The following KIF13A variants were observed in gnomAD, a reference collection of about 807,000 sequenced individuals.
KIF13A encodes the protein kinesin family member 13A, also known as kinesin-like protein KIF13A.
Under a neutral mutation model 212.2 loss-of-function variants are expected in KIF13A, and 79 were observed. The ratio of observed to expected loss-of-function variants is 0.37; its 90% CI spans 0.31 to 0.45. The LOEUF is 0.45. Among genes scored for constraint, KIF13A ranks in the 20% least tolerant of loss-of-function variants. KIF13A has a pLI of 1.00. For missense variants in KIF13A, 1,901 were observed against 2,209.0 expected, an observed-to-expected ratio of 0.86 and a Z score of 2.79; for synonymous variants, 789 against 808.6, an observed-to-expected ratio of 0.98 and a Z score of 0.41.
At chr6:17,795,296 G>A (rs1402413497) in intron 23 of KIF13A, among the ~76,000 whole-genome samples, 1 of 151,996 alleles carries the variant, frequency 6.6e-6, no homozygotes, top group African/African-American at 2.4e-5. Flanking sequence ...CATGAACATC[G>A]TATAGGCTGG....
At chr6:17,952,011 A>C (rs895425271) in intron 2 of KIF13A, among the ~76,000 whole-genome samples, 2 of 152,174 alleles carry the variant, frequency 1.3e-5, no homozygotes, top group African/African-American at 2.4e-5. Context: ...TTATATTAAG[A>C]AACTATAGTT....
chr6:17,779,440 T>C (rs1325903580), intron 32 of KIF13A, among the ~76,000 whole-genome samples, 152 bp downstream of exon 32: 1 of 151,134 alleles, frequency 6.6e-6, no homozygotes, highest in Non-Finnish European at 1.5e-5. Context: ...GCCCAGCTAA[T>C]TTTGTATGTT....
At position 17,825,846 on chromosome 6, in the gene KIF13A, T is replaced by A. The variant is rs1764918757; in HGVS notation, c.1708A>T (p.Ser570Cys). ...GPPEHDLDAASEASSEPDYNY... is the reference protein window; with the variant it reads ...GPPEHDLDAACEASSEPDYNY... ...TAGTCTGGTTCAGAGGAAGCCTCAC[T>A]GGCTGCATCCAGGTCATGCTCTGGC... Residue 570 changes from serine to cysteine, a missense_variant, in exon 16 of 39, where the codon AGT becomes TGT. By Grantham distance (112) the Ser-to-Cys change is moderately radical. Transcript: ENST00000259711. The surrounding 1 kb of genome is among the most constrained non-coding windows in gnomAD (Gnocchi z 4.5). 4 of 1,613,908 alleles carry A rather than the reference T, an allele frequency of 2.5e-6. No individual in the cohort carries two copies. Among genetic ancestry groups the A allele is most frequent in the Admixed American group, 1.7e-5 (1 of 60,004 alleles).
chr6:17,879,633 A>G lies in KIF13A; in HGVS notation c.160-6196T>C, dbSNP rs866272060. ...ATTTGTAGTCTGCACAGAAATTAGA[A>G]CATTTATTTGTTTGACTGTCACTAG... is the stretch of plus-strand genomic sequence containing the variant. On this transcript the variant is annotated intron_variant, in intron 3 of 38. Transcript: ENST00000259711. 1.3e-5 allele frequency among the ~76,000 whole-genome samples: 2 copies of G among 152,208 alleles called. 1 individual carries two copies. The highest frequency in any genetic ancestry group is 6.3e-3 in the Middle Eastern group (2 of 316).
intron 4 of KIF13A, among the ~76,000 whole-genome samples, chr6:17,868,703 A>T (rs1769662095): frequency 6.6e-6 from 1 of 152,056 alleles, no homozygotes; most frequent in Non-Finnish European, 1.5e-5. Context: ...AATATATTTC[A>T]AATGTAAAAT....
rs1761111863 is a variant in KIF13A at position 17,786,989 on chromosome 6, A to G, written c.3361+787T>C. Among the ~76,000 whole-genome samples the G allele has an allele frequency of 6.6e-6, 1 of 152,206 alleles. No homozygotes were observed. ...CTCTAGAATCCAAGTGGCCACTGCT[A>G]GCATAAGCAAACTGCACCCTTGGAG... On this transcript the variant is annotated intron_variant, in intron 27 of 38. Transcript: ENST00000259711. This position sits in a 1 kb window ranked among gnomAD's most constrained non-coding sequence, Gnocchi z 5.4.
Position 17,777,186 on chromosome 6 carries a change from G to GCCA in KIF13A, c.4170+90_4170+91insTGG. 1 of 986,286 alleles carries GCCA rather than the reference G, an allele frequency of 1.0e-6. No homozygotes were observed. Among genetic ancestry groups the GCCA allele is most frequent in the Admixed American group, 2.0e-5 (1 of 50,132 alleles). 61.1% of individuals were successfully genotyped at this position (986,286 alleles called of 1,614,324 possible). A position where few individuals can be genotyped will look rare whatever the true frequency, so the allele number is the denominator to read the frequency against. On this transcript the variant is annotated intron_variant, in intron 34 of 38. Transcript: ENST00000259711. This position sits in a 1 kb window ranked among gnomAD's most constrained non-coding sequence, Gnocchi z 4.4. ...TGGGATGCCCACACCAGTTCCATAAGCTCTACTGCCACTGTGTGAATCCCA... is the reference window on the plus strand; with the variant it reads ...TGGGATGCCCACACCAGTTCCATAAGCCACTCTACTGCCACTGTGTGAATCCCA...
At chr6:17,767,958 C>G (rs1423459043) in intron 38 of KIF13A, among the ~76,000 whole-genome samples, 1 of 152,050 alleles carries the variant, frequency 6.6e-6, no homozygotes, top group African/African-American at 2.4e-5. Flanking sequence ...AAATAGGGAG[C>G]AGTTCACAGT....
chr6:17,899,628 C>T lies in KIF13A; in HGVS notation c.147-1448G>A, dbSNP rs1029213628. On this transcript the variant is annotated intron_variant, in intron 2 of 38. Transcript: ENST00000259711. The surrounding 1 kb of genome is among the most constrained non-coding windows in gnomAD (Gnocchi z 5.2). ...GTTGAAACACCATTTTCTTGAAATT[C>T]CACGAATTAGTTGAAAGGGAATGAG... Among the ~76,000 whole-genome samples the T allele has an allele frequency of 5.3e-5, 8 of 152,130 alleles. No individual in the cohort carries two copies. The highest frequency in any genetic ancestry group is 7.2e-5 in the African/African-American group (3 of 41,426).
intron 3 of KIF13A, among the ~76,000 whole-genome samples, chr6:17,877,499 C>T (rs530706266): frequency 5.3e-5 from 8 of 152,258 alleles, no homozygotes; most frequent in African/African-American, 1.9e-4. Context: ...AGATGATGAT[C>T]TATCTTGTTT....
intron 2 of KIF13A, among the ~76,000 whole-genome samples, chr6:17,902,641 G>C (rs1461651547): frequency 6.6e-6 from 1 of 152,118 alleles, no homozygotes; most frequent in Non-Finnish European, 1.5e-5. Context: ...CACAGTTCAA[G>C]GCTCAGCTCT....
intron 2 of KIF13A, among the ~76,000 whole-genome samples, chr6:17,953,373 G>A (rs1017128286): frequency 3.3e-5 from 5 of 152,104 alleles, no homozygotes; most frequent in Non-Finnish European, 5.9e-5. Context: ...ACAGTAAAAG[G>A]GAAGAAAGGA....
In KIF13A at chr6:17,837,098, G is replaced by C. The variant is rs776284242; in HGVS notation, c.943-8C>G. 6.2e-7 allele frequency: 1 copy of C among 1,612,782 alleles called. No individual in the cohort carries two copies. On this transcript the variant is annotated splice_region_variant and splice_polypyrimidine_tract_variant and intron_variant, in intron 10 of 38. Coordinates refer to ENST00000259711, the MANE Select transcript of KIF13A (RefSeq NM_022113.6). The surrounding 1 kb of genome is among the most constrained non-coding windows in gnomAD (Gnocchi z 5.4). ...GTTGCCCCCCAAGTTGTCCTGCCAA[G>C]TATTTCAAACAGCATCTTAGGAAGC...
At chr6:17,804,320 A>C in intron 20 of KIF13A, 41 bp downstream of exon 20, 1 of 1,456,158 alleles carries the variant, frequency 6.9e-7, no homozygotes, top group East Asian at 2.5e-5. Flanking sequence ...AAAACAAAAA[A>C]CTTGAACCAC....
rs898161687 is a variant in KIF13A, at chr6:17,900,061, G to C, written c.147-1881C>G. On this transcript the variant is annotated intron_variant, in intron 2 of 38. Coordinates refer to ENST00000259711, the MANE Select transcript of KIF13A (RefSeq NM_022113.6). The surrounding 1 kb of genome is among the most constrained non-coding windows in gnomAD (Gnocchi z 4.6). ...GAAAATCACTGCTTTATTTAAAAGA[G>C]GAAAGAAAAGTCACTTGGGTTACAA... 2.0e-5 allele frequency among the ~76,000 whole-genome samples: 3 copies of C among 152,126 alleles called. No homozygotes were observed. The highest frequency in any genetic ancestry group is 7.2e-5 in the African/African-American group (3 of 41,436).
chr6:17,809,015 G>A lies in KIF13A; in HGVS notation c.2001-85C>T, dbSNP rs145480282. On this transcript the variant is annotated intron_variant, in intron 17 of 38. Transcript: ENST00000259711. This position sits in a 1 kb window ranked among gnomAD's most constrained non-coding sequence, Gnocchi z 4.7. ...AAGTGAGCATCTTATTAGAAAATGG[G>A]AGAAAACTCCTCTCGGGCAGTATTT... 6.6e-3 allele frequency: 8,135 copies of A among 1,240,990 alleles called. 34 individuals are homozygous for A. Among genetic ancestry groups the A allele is most frequent in the South Asian group, 0.013 (824 of 62,490 alleles). The allele number at this position is 1,240,990 out of a possible 1,614,324, so 76.9% of individuals were successfully genotyped here. A position where few individuals can be genotyped will look rare whatever the true frequency, so the allele number is the denominator to read the frequency against.
chr6:17,797,083 G>A (rs920604611), intron 22 of KIF13A, among the ~76,000 whole-genome samples: 1 of 150,842 alleles, frequency 6.6e-6, no homozygotes, highest in African/African-American at 2.4e-5. Flanking sequence ...AGGCTGGAGT[G>A]CAGTGGTGCG....
chr6:17,766,053 C>T (rs1266061010), intron 38 of KIF13A, among the ~76,000 whole-genome samples: 3 of 152,140 alleles, frequency 2.0e-5, no homozygotes, highest in African/African-American at 4.8e-5. Context: ...ATTTCATTCA[C>T]AGGTAAACTT....
intron 2 of KIF13A, among the ~76,000 whole-genome samples, chr6:17,960,596 C>T (rs1224797172): frequency 1.3e-5 from 2 of 152,130 alleles, no homozygotes; most frequent in Admixed American, 6.5e-5. Context: ...GGTTGGGGTA[C>T]AGGGCAGCTC....
Sources: allele counts gnomAD v4.1 joint callset (sites outside exome capture counted in the v4.1 genomes callset), GRCh38; gene constraint gnomAD v4.1.1; non-coding constraint Gnocchi (gnomAD v3.1); transcripts MANE v1.5; gene names NCBI Gene and HGNC (gene_info 2026-07-23, HGNC 2026-07-21).